The following WDR7 variants were observed in gnomAD, a reference collection of about 807,000 sequenced individuals.
WDR7 encodes the protein WD repeat-containing protein 7.
Under a neutral mutation model 169.4 loss-of-function variants are expected in WDR7, and 46 were observed. The observed-to-expected ratio is 0.27, with a 90% CI of 0.21 to 0.35. The LOEUF is 0.35. WDR7 is among the 10% of genes least tolerant of loss of function. WDR7 has a pLI of 1.00. For synonymous variants in WDR7, 612 were observed against 666.8 expected (o/e 0.92, Z 1.27); for missense variants, 1,534 against 1,859.3 (o/e 0.83, Z 3.22).
intron 12 of WDR7, among the ~76,000 whole-genome samples, chr18:56,712,863 T>G (rs369897490): frequency 1.3e-5 from 2 of 152,202 alleles, no homozygotes; most frequent in African/African-American, 2.4e-5. Flanking sequence ...ACTTACTTAT[T>G]TTTTAATCTT....
chr18:56,834,184 A>G (rs1222726369), intron 20 of WDR7, among the ~76,000 whole-genome samples: 1 of 152,232 alleles, frequency 6.6e-6, no homozygotes, highest in East Asian at 1.9e-4. Flanking sequence ...ACAGCACAAC[A>G]ATCTCTCTAC....
At chr18:56,895,926 G>T (rs901578754) in intron 21 of WDR7, among the ~76,000 whole-genome samples, 2 of 151,478 alleles carry the variant, frequency 1.3e-5, no homozygotes, top group African/African-American at 2.4e-5. Flanking sequence ...ATTCTAAAAT[G>T]AATATACCAG....
At chr18:56,767,758 A>G (rs1259446199) in intron 16 of WDR7, among the ~76,000 whole-genome samples, 1 of 152,190 alleles carries the variant, frequency 6.6e-6, no homozygotes, top group Non-Finnish European at 1.5e-5. Flanking sequence ...TATTACTGGT[A>G]GAAATGGAAA....
intron 21 of WDR7, among the ~76,000 whole-genome samples, chr18:56,881,934 T>G (rs1369796167): frequency 3.9e-5 from 6 of 152,170 alleles, no homozygotes; most frequent in Non-Finnish European, 7.4e-5. Flanking sequence ...TTCCCCTCAT[T>G]TGATCTTCAA....
At chr18:56,677,877 A>G (rs1215559060) in intron 2 of WDR7, among the ~76,000 whole-genome samples, 1 of 151,942 alleles carries the variant, frequency 6.6e-6, no homozygotes, top group Non-Finnish European at 1.5e-5. Flanking sequence ...CCTCCTCTTT[A>G]TGACCAGTAA....
chr18:56,730,357 T>C (rs2026555687), intron 13 of WDR7, among the ~76,000 whole-genome samples: 1 of 152,184 alleles, frequency 6.6e-6, no homozygotes, highest in East Asian at 1.9e-4. Flanking sequence ...ATTAAGAGCT[T>C]GAAAGGTGGG....
intron 12 of WDR7, among the ~76,000 whole-genome samples, chr18:56,715,578 A>C (rs116636924): frequency 0.029 from 4,357 of 152,186 alleles, 186 homozygotes; most frequent in African/African-American, 0.099. Flanking sequence ...TCATGCCTGT[A>C]GTCCTAGCAC....
At chr18:56,879,365 A>G (rs557507516) in intron 20 of WDR7, among the ~76,000 whole-genome samples, 21 of 152,280 alleles carry the variant, frequency 1.4e-4, no homozygotes, top group African/African-American at 4.6e-4. Flanking sequence ...CATTTTCCTC[A>G]TGACTAATGA....
At chr18:56,842,593 G>A (rs966495736) in intron 20 of WDR7, among the ~76,000 whole-genome samples, 28 of 152,108 alleles carry the variant, frequency 1.8e-4, no homozygotes, top group African/African-American at 6.5e-4. Flanking sequence ...ATAGGAGACT[G>A]TAAGTAAAGG....
chr18:56,651,868 A>G (rs477415), intron 1 of WDR7: 1 of 152,324 alleles, frequency 6.6e-6, no homozygotes, highest in East Asian at 1.9e-4. Context: ...CCCAGGTGCA[A>G]TCTAAACGGG....
intron 16 of WDR7, among the ~76,000 whole-genome samples, chr18:56,769,871 G>T (rs888079740): frequency 6.6e-6 from 1 of 152,100 alleles, no homozygotes; most frequent in Non-Finnish European, 1.5e-5. Flanking sequence ...TCATATTAAG[G>T]AATGTATCTG....
intron 20 of WDR7, among the ~76,000 whole-genome samples, chr18:56,838,345 G>A (rs1293308773): frequency 6.6e-6 from 1 of 152,050 alleles, no homozygotes; most frequent in Non-Finnish European, 1.5e-5. Flanking sequence ...GCTGTTTATT[G>A]AACTGTTGAC....
intron 22 of WDR7, among the ~76,000 whole-genome samples, chr18:56,930,770 C>T (rs1349988147): frequency 1.3e-5 from 2 of 152,148 alleles, no homozygotes; most frequent in Non-Finnish European, 2.9e-5. Context: ...TTTCATTACC[C>T]TGTTCCTATT....
intron 20 of WDR7, among the ~76,000 whole-genome samples, chr18:56,867,714 A>G (rs2045901698): frequency 6.6e-6 from 1 of 152,220 alleles, no homozygotes; most frequent in South Asian, 2.1e-4. Flanking sequence ...GAGTAGTAGC[A>G]TTTCCAAATC....
chr18:56,991,149 T>C (rs117359449), intron 26 of WDR7, among the ~76,000 whole-genome samples: 35 of 136,358 alleles, frequency 2.6e-4, no homozygotes, highest in Non-Finnish European at 3.4e-4. Flanking sequence ...CCTCATTTTT[T>C]TTTTTTTTTT....
rs112611963 is a variant in WDR7, at chr18:56,834,534, G to A, written c.3304+18390G>A. Among the ~76,000 whole-genome samples, 1,258 of 151,744 alleles carry A rather than the reference G, an allele frequency of 8.3e-3. 21 individuals are homozygous for A. The highest frequency in any genetic ancestry group is 0.027 in the African/African-American group (1,097 of 41,372). Reference sequence around the variant, plus strand: ...TCTCTTTGTCCTTCAACAATATCTCGTGTGACCTGATTTCTAGACCCTTCT... The same window carrying A: ...TCTCTTTGTCCTTCAACAATATCTCATGTGACCTGATTTCTAGACCCTTCT... On this transcript the variant is annotated intron_variant, in intron 20 of 27. Coordinates refer to ENST00000254442, the MANE Select transcript of WDR7 (RefSeq NM_015285.3).
At chr18:56,717,845 TGTG>T (rs2026226046) in intron 12 of WDR7, 116 bp from the exon 13 acceptor site, 4 of 881,156 alleles carry the variant, frequency 4.5e-6, no homozygotes, top group Middle Eastern at 3.0e-4. Context: ...GACCTAATAT[TGTG>T]GTGGTTTTTC....
chr18:56,901,108 G>A (rs951563163), intron 21 of WDR7, among the ~76,000 whole-genome samples: 1 of 152,038 alleles, frequency 6.6e-6, no homozygotes, highest in Non-Finnish European at 1.5e-5. Context: ...TCTTTATAAT[G>A]CTAATCATGG....
intron 19 of WDR7, among the ~76,000 whole-genome samples, chr18:56,805,881 T>A (rs1358819240): frequency 1.3e-5 from 2 of 152,160 alleles, no homozygotes; most frequent in African/African-American, 4.8e-5. Flanking sequence ...GCCTCAAATG[T>A]TTTATTAGCC....
Sources: allele counts gnomAD v4.1 joint callset (sites outside exome capture counted in the v4.1 genomes callset), GRCh38; gene constraint gnomAD v4.1.1; transcripts MANE v1.5; gene names NCBI Gene and HGNC (gene_info 2026-07-23, HGNC 2026-07-21).